The following ARL5A variants were observed in gnomAD, a reference collection of about 807,000 sequenced individuals.
ARL5A encodes the protein ADP-ribosylation factor-like protein 5A.
ARL5A carries 18 observed loss-of-function variants against 25.9 expected under a neutral mutation model. The ratio of observed to expected loss-of-function variants is 0.69; its 90% CI spans 0.48 to 1.03. The LOEUF (loss-of-function observed/expected upper bound fraction) is 1.03, where lower values mean the gene tolerates loss of function less well. ARL5A is among the 50% of genes least tolerant of loss of function. The pLI is 0.00. For synonymous variants in ARL5A, 61 were observed against 67.5 expected (o/e 0.90, Z 0.47); for missense variants, 170 against 211.9 (o/e 0.80, Z 1.23).
At chr2:151,815,552 G>A (rs907480278) in intron 1 of ARL5A, among the ~76,000 whole-genome samples, 1 of 152,166 alleles carries the variant, frequency 6.6e-6, no homozygotes, top group African/African-American at 2.4e-5. Context: ...GTTTCACATT[G>A]GATTACATCA....
intron 3 of ARL5A, among the ~76,000 whole-genome samples, chr2:151,813,278 G>C (rs2099831089): frequency 6.6e-6 from 1 of 152,066 alleles, no homozygotes; most frequent in South Asian, 2.1e-4. Context: ...TCAACCAAAA[G>C]GCAGATGTAT....
intron 5 of ARL5A, among the ~76,000 whole-genome samples, chr2:151,805,700 C>A (rs754535013): frequency 2.6e-5 from 4 of 152,078 alleles, no homozygotes; most frequent in African/African-American, 4.8e-5. Flanking sequence ...GTAACCATAA[C>A]CCAATAGTAA....
At chr2:151,826,790 C>G (rs922841854) in intron 1 of ARL5A, among the ~76,000 whole-genome samples, 1 of 152,226 alleles carries the variant, frequency 6.6e-6, no homozygotes, top group Admixed American at 6.5e-5. Flanking sequence ...CTGCTTCCCA[C>G]TCTCCTGCTC....
intron 1 of ARL5A, among the ~76,000 whole-genome samples, chr2:151,823,096 C>T (rs1413050540): frequency 6.6e-6 from 1 of 152,136 alleles, no homozygotes; most frequent in Non-Finnish European, 1.5e-5. Context: ...ATCATTTTTA[C>T]CTCATATCTG....
intron 3 of ARL5A, among the ~76,000 whole-genome samples, chr2:151,813,704 A>G (rs1204272862): frequency 3.9e-5 from 6 of 152,208 alleles, no homozygotes; most frequent in African/African-American, 7.2e-5. Context: ...TTGGGAAATA[A>G]TGTGTAAATA....
intron 1 of ARL5A, chr2:151,827,355 A>T (rs2099833201): frequency 6.6e-6 from 1 of 152,216 alleles, no homozygotes; most frequent in African/African-American, 2.4e-5. Context: ...AACACACTTT[A>T]CACTTAGTAA....
At chr2:151,820,182 T>G in intron 1 of ARL5A, among the ~76,000 whole-genome samples, 1 of 152,236 alleles carries the variant, frequency 6.6e-6, no homozygotes, top group South Asian at 2.1e-4. Flanking sequence ...GTTAACAGTT[T>G]CAAGATGCAT....
Position 151,799,905 on chromosome 2 carries a change from G to A in ARL5A, c.*3371C>T. 1 of 152,196 alleles carries A rather than the reference G, an allele frequency of 6.6e-6. No individual in the cohort carries two copies. The highest frequency in any genetic ancestry group is 6.5e-5 in the Admixed American group (1 of 15,282). The allele number at this position is 152,196 out of a possible 1,614,324, so 9.4% of individuals were successfully genotyped here. A position where few individuals can be genotyped will look rare whatever the true frequency, so the allele number is the denominator to read the frequency against. On this transcript the variant is annotated 3_prime_UTR_variant, in exon 6 of 6. Coordinates refer to ENST00000295087, the MANE Select transcript of ARL5A (RefSeq NM_012097.4). The stretch of plus-strand genomic sequence containing the variant: ...TAATAGTAAATGAAGATACAGGAGA[G>A]CAAAGGATACCTGAGCTATGGGGAA...
intron 1 of ARL5A, among the ~76,000 whole-genome samples, chr2:151,825,462 T>A (rs1218100058): frequency 6.6e-6 from 1 of 152,152 alleles, no homozygotes. Flanking sequence ...TTCAAAAGAT[T>A]GTTAAAACAT....
intron 1 of ARL5A, among the ~76,000 whole-genome samples, chr2:151,823,036 C>T (rs931621099): frequency 6.6e-6 from 1 of 152,156 alleles, no homozygotes; most frequent in Non-Finnish European, 1.5e-5. Flanking sequence ...CATACAACAT[C>T]AGAAAACACA....
In ARL5A at chr2:151,800,883, C is replaced by T. The variant is rs2099829328; in HGVS notation, c.*2393G>A. The T allele has an allele frequency of 6.6e-6, 1 of 152,586 alleles. No individual in the cohort carries two copies. The highest frequency in any genetic ancestry group is 6.5e-5 in the Admixed American group (1 of 15,272). 9.5% of individuals were successfully genotyped at this position (152,586 alleles called of 1,614,324 possible). A position where few individuals can be genotyped will look rare whatever the true frequency, so the allele number is the denominator to read the frequency against. ...TTCTTCTCAGAGCTGAACACAATGA[C>T]TCCACGAGATGTTTTCACTCAGAAG... is the stretch of plus-strand genomic sequence containing the variant. On this transcript the variant is annotated 3_prime_UTR_variant, in exon 6 of 6. Transcript: ENST00000295087.
chr2:151,809,528 A>C (rs1291989807), intron 4 of ARL5A, among the ~76,000 whole-genome samples: 2 of 152,218 alleles, frequency 1.3e-5, no homozygotes, highest in African/African-American at 4.8e-5. Context: ...TCAAAACCAA[A>C]TATGTATATA....
chr2:151,815,284 A>C, intron 1 of ARL5A, 85 bp from the exon 2 acceptor site: 10 of 1,091,286 alleles, frequency 9.2e-6, no homozygotes, highest in Non-Finnish European at 1.3e-5. Context: ...TCTGTATCTC[A>C]CCCTTCTATC....
intron 1 of ARL5A, among the ~76,000 whole-genome samples, chr2:151,817,777 G>T (rs2099831712): frequency 6.6e-6 from 1 of 152,088 alleles, no homozygotes; most frequent in Non-Finnish European, 1.5e-5. Flanking sequence ...TGAGGCCGTC[G>T]GGTGGATCAC....
Position 151,803,590 on chromosome 2 carries a change from C to A in ARL5A, c.492-266G>T, listed in dbSNP as rs1457637044. Reference sequence around the variant, plus strand: ...GTGCAATGGCACAATCAATGGCAGCCGTGACCTCCTGGGCTCAAGCGATCT... The same window carrying A: ...GTGCAATGGCACAATCAATGGCAGCAGTGACCTCCTGGGCTCAAGCGATCT... On this transcript the variant is annotated intron_variant, in intron 5 of 5. Coordinates refer to ENST00000295087, the MANE Select transcript of ARL5A (RefSeq NM_012097.4). 2.0e-5 allele frequency among the ~76,000 whole-genome samples: 3 copies of A among 152,132 alleles called. No individual in the cohort carries two copies. In the East Asian group the frequency reaches 5.8e-4, roughly 29 times the overall value.
chr2:151,808,457 T>G lies in ARL5A; in HGVS notation c.340-1485A>C, dbSNP rs573635791. 7.3e-3 allele frequency among the ~76,000 whole-genome samples: 265 copies of G among 36,332 alleles called. 2 individuals are homozygous for G. The highest frequency in any genetic ancestry group is 0.014 in the African/African-American group (241 of 16,776). The allele number at this position is 36,332 out of a possible 152,430, so 23.8% of individuals were successfully genotyped here. On this transcript the variant is annotated intron_variant, in intron 4 of 5. Coordinates refer to ENST00000295087, the MANE Select transcript of ARL5A (RefSeq NM_012097.4). Reference sequence around the variant, plus strand: ...ATTTCTTATTTGGTTAAAGGAGTTATGTAAAATATTTATATAACAATCAAG... The same window carrying G: ...ATTTCTTATTTGGTTAAAGGAGTTAGGTAAAATATTTATATAACAATCAAG...
chr2:151,811,396 G>A (rs1278601234), intron 4 of ARL5A, among the ~76,000 whole-genome samples: 1 of 151,904 alleles, frequency 6.6e-6, no homozygotes, highest in Non-Finnish European at 1.5e-5. Context: ...AGTTGAGAAA[G>A]TAGCATCTGC....
chr2:151,810,775 C>T (rs545859734), intron 4 of ARL5A, among the ~76,000 whole-genome samples: 77 of 152,112 alleles, frequency 5.1e-4, no homozygotes, highest in African/African-American at 1.7e-3. Context: ...TGCATATTGG[C>T]CAATTAGAGT....
At chr2:151,815,260 A>G (rs1415565488) in intron 1 of ARL5A, 61 bp from the exon 2 acceptor site, 14 of 1,330,220 alleles carry the variant, frequency 1.1e-5, no homozygotes, top group Non-Finnish European at 1.4e-5. Context: ...GATTAATTAT[A>G]GGAAAAAATA....
Sources: allele counts gnomAD v4.1 joint callset (sites outside exome capture counted in the v4.1 genomes callset), GRCh38; gene constraint gnomAD v4.1.1; transcripts MANE v1.5; gene names NCBI Gene and HGNC (gene_info 2026-07-23, HGNC 2026-07-21).